PGM3: variants seen among roughly 807,000 people sequenced by gnomAD.
PGM3 encodes phosphoglucomutase 3.
Under a neutral mutation model 66.2 loss-of-function variants are expected in PGM3, and 40 were observed. The observed-to-expected ratio is 0.60, with a 90% CI of 0.47 to 0.79. The LOEUF is 0.79. Ranked by LOEUF, PGM3 falls within the 30% of genes least tolerant of loss-of-function variation. The pLI is 0.00. For missense variants in PGM3, 537 were observed against 643.4 expected, an observed-to-expected ratio of 0.83 and a Z score of 1.79; for synonymous variants, 191 against 224.2, an observed-to-expected ratio of 0.85 and a Z score of 1.32.
In PGM3 at chr6:83,168,596, G is replaced by GC. The variant is rs1243434506; in HGVS notation, c.*637_*638insG. ...GAGGCTGGGAAACGTATTATAATTA[G>GC]TTTTTCTCCCACATACCTTCACCAA... On this transcript the variant is annotated 3_prime_UTR_variant, in exon 13 of 13. Coordinates refer to ENST00000513973, the MANE Select transcript of PGM3 (RefSeq NM_015599.3). The GC allele has an allele frequency of 1.0e-6, 1 of 996,616 alleles. No individual in the cohort carries two copies. Among genetic ancestry groups the GC allele is most frequent in the Non-Finnish European group, 1.2e-6 (1 of 837,216 alleles). The allele number at this position is 996,616 out of a possible 1,614,324, so 61.7% of individuals were successfully genotyped here. A position where few individuals can be genotyped will look rare whatever the true frequency, so the allele number is the denominator to read the frequency against.
At chr6:83,186,664 C>T (rs1788603233) in intron 4 of PGM3, among the ~76,000 whole-genome samples, 1 of 152,082 alleles carries the variant, frequency 6.6e-6, no homozygotes, top group African/African-American at 2.4e-5. Flanking sequence ...TTAGGGAAGA[C>T]CTAATAATAT....
downstream of PGM3, chr6:83,162,701 G>T (rs1784513023): frequency 3.5e-6 from 5 of 1,412,468 alleles, no homozygotes; most frequent in South Asian, 6.7e-5. Flanking sequence ...AAGCAGTGGG[G>T]TCATGATCTT....
At chr6:83,174,888 T>C (rs187479172) in intron 9 of PGM3, among the ~76,000 whole-genome samples, 43 of 152,348 alleles carry the variant, frequency 2.8e-4, no homozygotes, top group African/African-American at 9.6e-4. Flanking sequence ...AGTATAGTTT[T>C]ATTCTAAAAC....
chr6:83,188,827 C>T (rs1370568859), intron 2 of PGM3, 29 bp from the exon 3 acceptor site: 1 of 1,586,532 alleles, frequency 6.3e-7, no homozygotes, highest in Admixed American at 1.7e-5. Context: ...AATAAGCAAT[C>T]TGTGCATACT....
chr6:83,187,015 T>C lies in PGM3; in HGVS notation c.450A>G (p.Gln150=), dbSNP rs755097152. The C allele has an allele frequency of 1.1e-5, 18 of 1,568,404 alleles. No homozygotes were observed. In the African/African-American group the frequency reaches 1.2e-4, roughly 11 times the overall value. ...VIDGVTVLGG[Q]FHDYGLLTTP... ...CTCAGGATAACTACATACCATGGAA[T>C]TGACCTCCTAGAACAGTCACACCAT... Residue 150 remains glutamine, a synonymous_variant, in exon 4 of 13, where the codon CAA becomes CAG. Coordinates refer to ENST00000513973, the MANE Select transcript of PGM3 (RefSeq NM_015599.3).
chr6:83,186,101 T>C (rs1473144166), intron 4 of PGM3, among the ~76,000 whole-genome samples: 1 of 152,208 alleles, frequency 6.6e-6, no homozygotes, highest in Non-Finnish European at 1.5e-5. Flanking sequence ...AAAGTGCTTG[T>C]GCCGGCAACA....
At chr6:83,162,919 G>C, downstream of PGM3, 1 of 1,610,094 alleles carries the variant, frequency 6.2e-7, no homozygotes, top group Non-Finnish European at 8.5e-7. Context: ...AAAGAGCAAA[G>C]GTATCGCATT....
the PGM3 span, chr6:83,153,861 C>A: frequency 6.3e-7 from 1 of 1,579,798 alleles, no homozygotes; most frequent in Non-Finnish European, 8.6e-7. Flanking sequence ...AAAGTTAGGA[C>A]ACGTAGGTTA....
At chr6:83,152,495 G>T in the PGM3 span, 3 of 395,146 alleles carry the variant, frequency 7.6e-6, no homozygotes, top group East Asian at 4.1e-5. Context: ...TCACTATATA[G>T]AATTAATATA....
chr6:83,172,683 A>C lies in PGM3; in HGVS notation c.1243-624T>G, dbSNP rs180941361. On this transcript the variant is annotated intron_variant, in intron 10 of 12. Transcript: ENST00000513973. ...CAAAACAAAACAACAACAACAACAAAAAAAACCCACTAAAGGCAGGCCCGC... is the reference window on the plus strand; with the variant it reads ...CAAAACAAAACAACAACAACAACAACAAAAACCCACTAAAGGCAGGCCCGC... 7.3e-3 allele frequency among the ~76,000 whole-genome samples: 1,118 copies of C among 152,122 alleles called. 7 individuals are homozygous for C. Among genetic ancestry groups the C allele is most frequent in the Middle Eastern group, 0.021 (6 of 292 alleles).
intron 1 of PGM3, 88 bp from the exon 2 acceptor site, chr6:83,191,102 G>T: frequency 1.4e-6 from 2 of 1,458,440 alleles, no homozygotes; most frequent in East Asian, 2.4e-5. Flanking sequence ...AAACGAATAG[G>T]TCTGTCTCAT....
chr6:83,153,998 T>C, the PGM3 span: 2 of 1,614,124 alleles, frequency 1.2e-6, no homozygotes, highest in Non-Finnish European at 1.7e-6. Context: ...TTTGACCTCT[T>C]TATGGATCCC....
chr6:83,157,191 T>C (rs1324171867), downstream of PGM3: 2 of 1,612,914 alleles, frequency 1.2e-6, no homozygotes, highest in Middle Eastern at 1.6e-4. Context: ...GAGAGATTGG[T>C]TGAGAGTCTC....
intron 4 of PGM3, among the ~76,000 whole-genome samples, chr6:83,184,087 C>T (rs1362100190): frequency 6.6e-6 from 1 of 152,032 alleles, no homozygotes; most frequent in East Asian, 1.9e-4. Context: ...TAAACTTTAC[C>T]AAAGGACTAT....
chr6:83,169,103 A>G lies in PGM3; in HGVS notation c.*131T>C. On this transcript the variant is annotated 3_prime_UTR_variant, in exon 13 of 13. Transcript: ENST00000513973. ...TATTCTGTTAGTGTTTAAGAAAAAC[A>G]GATCTAGAGACAATCCAGTAGGCTG... is the stretch of plus-strand genomic sequence containing the variant. 6.9e-7 allele frequency: 1 copy of G among 1,457,860 alleles called. No homozygotes were observed. The allele number at this position is 1,457,860 out of a possible 1,614,324, so 90.3% of individuals were successfully genotyped here.
In PGM3 at chr6:83,169,088, G is replaced by C; in HGVS notation, c.*146C>G. The stretch of plus-strand genomic sequence containing the variant: ...CTATTTATAAAGAATTATTCTGTTA[G>C]TGTTTAAGAAAAACAGATCTAGAGA... On this transcript the variant is annotated 3_prime_UTR_variant, in exon 13 of 13. Transcript: ENST00000513973. 2 of 1,442,504 alleles carry C rather than the reference G, an allele frequency of 1.4e-6. No homozygotes were observed. The highest frequency in any genetic ancestry group is 3.0e-5 in the South Asian group (2 of 67,226). The allele number at this position is 1,442,504 out of a possible 1,614,324, so 89.4% of individuals were successfully genotyped here.
intron 11 of PGM3, among the ~76,000 whole-genome samples, chr6:83,171,733 C>T (rs149431582): frequency 7.9e-5 from 12 of 152,252 alleles, no homozygotes; most frequent in South Asian, 2.1e-4. Flanking sequence ...ATGATCCGCC[C>T]GCTTTGGCCT....
Position 83,174,364 on chromosome 6 carries a change from C to A in PGM3, c.1242+10G>T, listed in dbSNP as rs779680576. 1 of 1,357,462 alleles carries A rather than the reference C, an allele frequency of 7.4e-7. No homozygotes were observed. 84.1% of individuals were successfully genotyped at this position (1,357,462 alleles called of 1,614,324 possible). A position where few individuals can be genotyped will look rare whatever the true frequency, so the allele number is the denominator to read the frequency against. ...GGTAACCAAGAGTCCACTGCCCCATCAGTTCTGACCTGGTTAAACAAGTCA... is the reference window on the plus strand; with the variant it reads ...GGTAACCAAGAGTCCACTGCCCCATAAGTTCTGACCTGGTTAAACAAGTCA... On this transcript the variant is annotated intron_variant, in intron 10 of 12. Transcript: ENST00000513973.
chr6:83,170,499 T>C, intron 11 of PGM3, 21 bp from the exon 12 acceptor site: 1 of 1,601,182 alleles, frequency 6.2e-7, no homozygotes, highest in South Asian at 1.1e-5. Flanking sequence ...GCATTTCATA[T>C]TTGTTACTCT....
Sources: allele counts gnomAD v4.1 joint callset (sites outside exome capture counted in the v4.1 genomes callset), GRCh38; gene constraint gnomAD v4.1.1; transcripts MANE v1.5; gene names NCBI Gene and HGNC (gene_info 2026-07-23, HGNC 2026-07-21).